Variants in FSTL5 observed in about 807,000 individuals in gnomAD.
FSTL5 encodes follistatin like 5.
In FSTL5, 62 loss-of-function variants were observed where a neutral mutation model predicts 89.1. The observed-to-expected ratio is 0.70, with a 90% confidence interval of 0.57 to 0.86. The LOEUF (loss-of-function observed/expected upper bound fraction) is 0.86. FSTL5 is among the 40% of genes least tolerant of loss of function. The probability of loss-of-function intolerance (pLI) is 0.00; values close to 1 mark genes in which losing one functional copy is unlikely to be tolerated. For missense variants in FSTL5, 1,057 were observed against 1,001.6 expected (o/e 1.06, Z -0.75); for synonymous variants, 383 against 346.2 (o/e 1.11, Z -1.18).
intron 8 of FSTL5, among the ~76,000 whole-genome samples, chr4:161,581,008 C>G (rs1196410510): frequency 6.6e-6 from 1 of 151,964 alleles, no homozygotes; most frequent in Non-Finnish European, 1.5e-5. Flanking sequence ...GATACATGGC[C>G]AATACCACCC....
chr4:161,748,515 C>T (rs1740279241), intron 6 of FSTL5, among the ~76,000 whole-genome samples: 1 of 150,586 alleles, frequency 6.6e-6, no homozygotes, highest in South Asian at 2.1e-4. Flanking sequence ...GAAGGTAAAA[C>T]ATTAATCCAT....
chr4:161,432,567 A>C (rs575944907), intron 15 of FSTL5, among the ~76,000 whole-genome samples: 1 of 152,158 alleles, frequency 6.6e-6, no homozygotes, highest in Non-Finnish European at 1.5e-5. Flanking sequence ...TTAATCCAAA[A>C]TTAGTAGAAT....
In FSTL5 at chr4:161,430,323, T is replaced by C. The variant is rs569901838; in HGVS notation, c.1841+24681A>G. ...GAGAGAGAGAGATACAGTTAGAAAG[T>C]TTATTCAAAGTCATCAAACAGAGAA... On this transcript the variant is annotated intron_variant, in intron 15 of 15. Transcript: ENST00000306100. Among the ~76,000 whole-genome samples the C allele has an allele frequency of 3.9e-4, 58 of 149,460 alleles. 1 individual carries two copies. Among genetic ancestry groups the C allele is most frequent in the African/African-American group, 1.3e-3 (54 of 41,090 alleles).
chr4:161,908,508 T>C (rs1420862222), intron 4 of FSTL5, among the ~76,000 whole-genome samples: 1 of 152,068 alleles, frequency 6.6e-6, no homozygotes, highest in African/African-American at 2.4e-5. Context: ...TTAAATTAAT[T>C]CATTGTTCAT....
intron 7 of FSTL5, among the ~76,000 whole-genome samples, chr4:161,643,725 A>G (rs984517218): frequency 6.6e-6 from 1 of 152,218 alleles, no homozygotes; most frequent in African/African-American, 2.4e-5. Context: ...GAAAACTGTT[A>G]TTAAAGAAAT....
At chr4:161,575,879 GTC>G (rs1733191232) in intron 8 of FSTL5, among the ~76,000 whole-genome samples, 1 of 152,182 alleles carries the variant, frequency 6.6e-6, no homozygotes, top group South Asian at 2.1e-4. Flanking sequence ...AAGTAAAATT[GTC>G]TCTGTTTGGA....
At chr4:161,447,638 G>T (rs1402321919) in intron 15 of FSTL5, among the ~76,000 whole-genome samples, 2 of 152,018 alleles carry the variant, frequency 1.3e-5, no homozygotes, top group African/African-American at 2.4e-5. Flanking sequence ...ATATGCTAAA[G>T]AAGATTGAAA....
chr4:161,976,577 G>T (rs1735654052), intron 3 of FSTL5, among the ~76,000 whole-genome samples: 1 of 152,164 alleles, frequency 6.6e-6, no homozygotes, highest in South Asian at 2.1e-4. Flanking sequence ...CGCCTTCCGT[G>T]TTCACGCCAT....
At chr4:161,861,161 G>A (rs917634503) in intron 4 of FSTL5, among the ~76,000 whole-genome samples, 25 of 152,072 alleles carry the variant, frequency 1.6e-4, no homozygotes, top group African/African-American at 4.1e-4. Context: ...GATGGCTCAC[G>A]TCTGTAATCC....
At chr4:161,479,600 T>A (rs1414087424) in intron 13 of FSTL5, among the ~76,000 whole-genome samples, 1 of 152,078 alleles carries the variant, frequency 6.6e-6, no homozygotes, top group Admixed American at 6.6e-5. Context: ...AATCCAACAG[T>A]CTCAAAAATC....
intron 1 of FSTL5, among the ~76,000 whole-genome samples, chr4:162,147,586 T>G (rs1290427176): frequency 6.6e-6 from 1 of 152,136 alleles, no homozygotes; most frequent in East Asian, 1.9e-4. Flanking sequence ...GGTCACATTT[T>G]TGTGTACTCT....
At chr4:161,421,329 A>G (rs1404949752) in intron 15 of FSTL5, among the ~76,000 whole-genome samples, 5 of 147,434 alleles carry the variant, frequency 3.4e-5, no homozygotes, top group Non-Finnish European at 7.6e-5. Flanking sequence ...CTACAGAGCA[A>G]AAGACTGTCT....
chr4:162,044,928 G>A (rs147578102), intron 2 of FSTL5, among the ~76,000 whole-genome samples: 21 of 152,258 alleles, frequency 1.4e-4, no homozygotes, highest in Non-Finnish European at 2.6e-4. Context: ...GGCTTGGGGG[G>A]AGGTTGTGCT....
At chr4:161,442,485 T>G (rs1320205604) in intron 15 of FSTL5, among the ~76,000 whole-genome samples, 1 of 152,136 alleles carries the variant, frequency 6.6e-6, no homozygotes, top group Non-Finnish European at 1.5e-5. Context: ...TTCAGGTGGC[T>G]GATAACTGGC....
At chr4:161,411,540 G>A (rs944091484) in intron 15 of FSTL5, among the ~76,000 whole-genome samples, 1 of 152,094 alleles carries the variant, frequency 6.6e-6, no homozygotes, top group African/African-American at 2.4e-5. Flanking sequence ...AACATATGCA[G>A]ATAAGTAAGT....
chr4:162,033,172 C>G (rs1737602637), intron 3 of FSTL5, among the ~76,000 whole-genome samples: 1 of 152,074 alleles, frequency 6.6e-6, no homozygotes, highest in South Asian at 2.1e-4. Context: ...GTGGACTATG[C>G]CATACTAGGA....
chr4:161,783,377 A>AT (rs1213028351), intron 4 of FSTL5, among the ~76,000 whole-genome samples: 1 of 151,904 alleles, frequency 6.6e-6, no homozygotes, highest in East Asian at 2.0e-4. Context: ...CTAATTAATT[A>AT]TTTTTTTCCG....
At chr4:161,968,874 A>G (rs1011763688) in intron 3 of FSTL5, among the ~76,000 whole-genome samples, 36 of 151,910 alleles carry the variant, frequency 2.4e-4, no homozygotes, top group African/African-American at 8.2e-4. Context: ...TCTTGTCATA[A>G]AAGACCTTAA....
intron 3 of FSTL5, among the ~76,000 whole-genome samples, chr4:161,977,699 ATTTGT>A (rs1158457005): frequency 6.7e-6 from 1 of 149,670 alleles, no homozygotes; most frequent in Non-Finnish European, 1.5e-5. Flanking sequence ...GCTAAAAATA[ATTTGT>A]TTTATCAAGT....
Sources: allele counts gnomAD v4.1 joint callset (sites outside exome capture counted in the v4.1 genomes callset), GRCh38; gene constraint gnomAD v4.1.1; transcripts MANE v1.5; gene names NCBI Gene and HGNC (gene_info 2026-07-23, HGNC 2026-07-21).